Variants in INSL6 observed in about 807,000 individuals in gnomAD.
The protein encoded by INSL6 is insulin-like peptide INSL6.
INSL6 carries 16 observed loss-of-function variants against 9.4 expected under a neutral mutation model. That is an observed-to-expected ratio of 1.70 (90% CI 1.15 to 2.59). INSL6 has a LOEUF of 2.59. INSL6 is among the 30% of genes most tolerant of loss of function. The probability of loss-of-function intolerance (pLI) is 0.00; values close to 1 mark genes in which losing one functional copy is unlikely to be tolerated. For synonymous variants in INSL6, 154 were observed against 96.9 expected, an observed-to-expected ratio of 1.59 and a Z score of -3.46; for missense variants, 391 against 257.3, an observed-to-expected ratio of 1.52 and a Z score of -3.56.
chr9:5,068,988 AT>A, the INSL6 span: 1 of 1,241,626 alleles, frequency 8.1e-7, no homozygotes, highest in Non-Finnish European at 1.1e-6. Context: ...CATTGTGACT[AT>A]CCCTCCCTTT....
the INSL6 span, among the ~76,000 whole-genome samples, chr9:5,047,028 A>G: frequency 2.6e-5 from 4 of 152,296 alleles, no homozygotes; most frequent in Admixed American, 2.6e-4. Context: ...TCCTTCTAGG[A>G]AGGATTGTCT....
At chr9:5,130,890 G>T (rs1213290229) in intron 3 of INSL6, among the ~76,000 whole-genome samples, 1 of 150,238 alleles carries the variant, frequency 6.7e-6, no homozygotes, top group Non-Finnish European at 1.5e-5. Flanking sequence ...CACTACACCC[G>T]GCTAATTTTT....
the INSL6 span, chr9:5,112,627 C>G: frequency 3.0e-6 from 3 of 984,258 alleles, no homozygotes; most frequent in South Asian, 6.1e-5. Flanking sequence ...AACTGCACCT[C>G]AACAGCGAGA....
At chr9:5,094,941 A>C in the INSL6 span, 1 of 152,196 alleles carries the variant, frequency 6.6e-6, no homozygotes, top group African/African-American at 2.4e-5. Flanking sequence ...TTTATGAAAA[A>C]ATTTCCTACC....
At chr9:5,151,738 ACAGAT>A (rs1824717308) in intron 2 of INSL6, among the ~76,000 whole-genome samples, 1 of 152,324 alleles carries the variant, frequency 6.6e-6, no homozygotes, top group South Asian at 2.1e-4. Flanking sequence ...ACAAAATGCA[ACAGAT>A]CAGATGGAAC....
At chr9:5,143,762 C>T (rs1368313443) in intron 2 of INSL6, among the ~76,000 whole-genome samples, 1 of 151,618 alleles carries the variant, frequency 6.6e-6, no homozygotes, top group Non-Finnish European at 1.5e-5. Context: ...TGGGTTCAAG[C>T]GATTCTCCTG....
chr9:5,033,156 A>G, the INSL6 span, among the ~76,000 whole-genome samples: 46 of 152,358 alleles, frequency 3.0e-4, no homozygotes, highest in Non-Finnish European at 5.1e-4. Context: ...GAGATGGAAG[A>G]TGAAATGAAT....
intron 2 of INSL6, among the ~76,000 whole-genome samples, chr9:5,158,734 T>A (rs1364455887): frequency 1.3e-5 from 2 of 152,112 alleles, no homozygotes; most frequent in Non-Finnish European, 2.9e-5. Flanking sequence ...ACACCAGATC[T>A]GTCCCACAAA....
the INSL6 span, among the ~76,000 whole-genome samples, chr9:5,088,799 C>T: frequency 6.6e-6 from 1 of 152,180 alleles, no homozygotes; most frequent in African/African-American, 2.4e-5. Flanking sequence ...AATGTCTCTT[C>T]CTCTTATAAG....
the INSL6 span, chr9:5,111,327 C>T: frequency 4.5e-6 from 2 of 440,204 alleles, no homozygotes; most frequent in East Asian, 5.4e-5. Flanking sequence ...ACCCCTGTCC[C>T]CCTCAGGCAT....
At chr9:5,041,291 C>T in the INSL6 span, 4 of 960,460 alleles carry the variant, frequency 4.2e-6, no homozygotes, top group Non-Finnish European at 6.5e-6. Context: ...GTACACTGGT[C>T]TCAGGACCAA....
the INSL6 span, chr9:5,080,509 C>T: frequency 5.1e-6 from 8 of 1,564,558 alleles, no homozygotes; most frequent in Non-Finnish European, 6.9e-6. Context: ...AATTTATTCT[C>T]AGTTTGTGGT....
the INSL6 span, among the ~76,000 whole-genome samples, chr9:5,076,551 T>C: frequency 6.6e-6 from 1 of 152,178 alleles, no homozygotes; most frequent in Admixed American, 6.6e-5. Flanking sequence ...TATAACGCTG[T>C]TGCACACTAA....
At chr9:5,142,822 A>G (rs1824529439) in intron 2 of INSL6, among the ~76,000 whole-genome samples, 1 of 152,150 alleles carries the variant, frequency 6.6e-6, no homozygotes. Context: ...TCAGTATGAT[A>G]TTGGCTGTGG....
chr9:5,077,563 T>C, the INSL6 span: 11 of 1,491,116 alleles, frequency 7.4e-6, no homozygotes, highest in East Asian at 1.8e-4. Flanking sequence ...ACAGTTGGCA[T>C]GGGCCATGCA....
intron 2 of INSL6, among the ~76,000 whole-genome samples, chr9:5,148,419 C>A (rs1002289180): frequency 2.0e-5 from 3 of 152,074 alleles, no homozygotes; most frequent in African/African-American, 4.8e-5. Flanking sequence ...AGAGAGGTGA[C>A]CCCCCTCACC....
the INSL6 span, among the ~76,000 whole-genome samples, chr9:5,075,387 G>A: frequency 1.3e-5 from 2 of 152,148 alleles, no homozygotes; most frequent in African/African-American, 4.8e-5. Flanking sequence ...TGCCTTCAAA[G>A]CTTCGAAGGA....
chr9:5,116,121 G>A, the INSL6 span, among the ~76,000 whole-genome samples: 2 of 151,886 alleles, frequency 1.3e-5, no homozygotes, highest in East Asian at 1.9e-4. Flanking sequence ...TGCATTTTAT[G>A]GATAATCTCA....
intron 3 of INSL6, chr9:5,126,352 G>C (rs139127951): frequency 1.2e-6 from 2 of 1,606,824 alleles, no homozygotes; most frequent in Admixed American, 3.4e-5. Context: ...CGTATGATTG[G>C]CAATGACAAA....
Sources: allele counts gnomAD v4.1 joint callset (sites outside exome capture counted in the v4.1 genomes callset), GRCh38; gene constraint gnomAD v4.1.1; transcripts MANE v1.5; gene names NCBI Gene and HGNC (gene_info 2026-07-23, HGNC 2026-07-21).